The following CAMTA1 variants were observed in gnomAD, a reference collection of about 807,000 sequenced individuals.
CAMTA1 encodes the protein calmodulin binding transcription activator 1, also known as calmodulin-binding transcription activator 1.
In CAMTA1, 27 loss-of-function variants were observed where a neutral mutation model predicts 170.9. The ratio of observed to expected loss-of-function variants is 0.16; its 90% CI spans 0.12 to 0.22. The LOEUF is 0.22. Among genes scored for constraint, CAMTA1 ranks in the 10% least tolerant of loss-of-function variants. The pLI, the probability that CAMTA1 is intolerant of heterozygous loss-of-function variation, is 1.00. For missense variants in CAMTA1, 1,619 were observed against 2,217.2 expected (o/e 0.73, Z 5.42); for synonymous variants, 833 against 891.5 (o/e 0.93, Z 1.17).
rs543036230 is a variant in CAMTA1 at position 7,295,401 on chromosome 1, T to C, written c.438+45775T>C. Among the ~76,000 whole-genome samples, 6 of 152,286 alleles carry C rather than the reference T, an allele frequency of 3.9e-5. 1 individual carries two copies. The highest frequency in any genetic ancestry group is 4.1e-4 in the South Asian group (2 of 4,822). On this transcript the variant is annotated intron_variant, in intron 5 of 22. Transcript: ENST00000303635. ...GCAGGCCTTTTCCTCTTCAACCAGA[T>C]TGTAACTCCCTGAGGGGAGGGCTTG...
In CAMTA1 at chr1:6,887,520, A is replaced by AAT. The variant is rs1673561496; in HGVS notation, c.234+62316_234+62317dup. ...CATCTGTATACGTATGTGTGTGTTTAATATATACTTTAGTTTGCCTTTACC... is the reference window on the plus strand; with the variant it reads ...CATCTGTATACGTATGTGTGTGTTTAATATATATACTTTAGTTTGCCTTTACC... On this transcript the variant is annotated intron_variant, in intron 3 of 22. Coordinates refer to ENST00000303635, the MANE Select transcript of CAMTA1 (RefSeq NM_015215.4). This position sits in a 1 kb window ranked among gnomAD's most constrained non-coding sequence, Gnocchi z 4.1. The AAT allele has an allele frequency of 1.5e-6, 2 of 1,332,786 alleles. No individual in the cohort carries two copies. Among genetic ancestry groups the AAT allele is most frequent in the Non-Finnish European group, 1.0e-6 (1 of 996,400 alleles). The allele number at this position is 1,332,786 out of a possible 1,614,324, so 82.6% of individuals were successfully genotyped here.
intron 4 of CAMTA1, among the ~76,000 whole-genome samples, chr1:7,139,678 C>T (rs1645781123): frequency 6.6e-6 from 1 of 152,144 alleles, no homozygotes. Flanking sequence ...TCCTTGGCGA[C>T]TAGGTAGTGT....
chr1:7,238,947 G>A (rs188725213), intron 4 of CAMTA1, among the ~76,000 whole-genome samples: 138 of 152,326 alleles, frequency 9.1e-4, no homozygotes, highest in African/African-American at 3.1e-3. Context: ...GGGTGCCGTG[G>A]GTGCCACAGC....
intron 3 of CAMTA1, among the ~76,000 whole-genome samples, chr1:6,943,180 TC>T (rs1686962412): frequency 6.6e-6 from 1 of 151,244 alleles, no homozygotes; most frequent in African/African-American, 2.4e-5. Flanking sequence ...CCTCCCCTCC[TC>T]CCCTCCGTCC....
chr1:6,943,614 C>T (rs1217331528), intron 3 of CAMTA1, among the ~76,000 whole-genome samples: 5 of 152,004 alleles, frequency 3.3e-5, no homozygotes, highest in South Asian at 4.2e-4. Context: ...TTTGGGAGGC[C>T]GAGGTGGGCG....
At chr1:6,907,809 C>A (rs1678866475) in intron 3 of CAMTA1, among the ~76,000 whole-genome samples, 2 of 152,096 alleles carry the variant, frequency 1.3e-5, no homozygotes, top group African/African-American at 4.8e-5. Context: ...TCCTGTCCAG[C>A]CCTTCTGCTC....
chr1:7,724,560 C>T (rs796298131), intron 11 of CAMTA1, among the ~76,000 whole-genome samples: 9 of 152,236 alleles, frequency 5.9e-5, no homozygotes, highest in African/African-American at 2.2e-4. Flanking sequence ...GGGCCGGGCG[C>T]GGTGGCTCAC....
chr1:7,215,740 A>G (rs140747085), intron 4 of CAMTA1, among the ~76,000 whole-genome samples: 26 of 152,200 alleles, frequency 1.7e-4, no homozygotes, highest in African/African-American at 6.0e-4. Flanking sequence ...TGGAATTTCT[A>G]TTGCTTTAAT....
intron 5 of CAMTA1, among the ~76,000 whole-genome samples, chr1:7,301,211 T>G (rs1282195141): frequency 1.3e-5 from 2 of 152,254 alleles, no homozygotes; most frequent in African/African-American, 4.8e-5. Context: ...ATTATGGGTC[T>G]GACTTTTTAA....
chr1:7,206,266 C>A (rs1167893241), intron 4 of CAMTA1, among the ~76,000 whole-genome samples: 1 of 152,192 alleles, frequency 6.6e-6, no homozygotes, highest in African/African-American at 2.4e-5. Flanking sequence ...GGAGAACTGG[C>A]ATTGTGATGA....
At chr1:7,218,364 A>G (rs1043966315) in intron 4 of CAMTA1, among the ~76,000 whole-genome samples, 2 of 152,108 alleles carry the variant, frequency 1.3e-5, no homozygotes, top group Non-Finnish European at 2.9e-5. Context: ...TCTTCTACAG[A>G]TGAAGACCAC....
chr1:7,002,248 A>T (rs1220300427), intron 3 of CAMTA1, among the ~76,000 whole-genome samples: 1 of 152,126 alleles, frequency 6.6e-6, no homozygotes, highest in East Asian at 1.9e-4. Flanking sequence ...ATCAGGAGTA[A>T]AAACCCCATG....
intron 3 of CAMTA1, among the ~76,000 whole-genome samples, chr1:6,848,758 T>C (rs1175674094): frequency 6.6e-6 from 1 of 152,170 alleles, no homozygotes; most frequent in Admixed American, 6.5e-5. Context: ...AGAGAAAAGG[T>C]AGATTTTAAT....
chr1:7,508,033 T>G (rs931868594), intron 6 of CAMTA1, among the ~76,000 whole-genome samples: 1 of 152,274 alleles, frequency 6.6e-6, no homozygotes, highest in African/African-American at 2.4e-5. Flanking sequence ...ATGGGGCACT[T>G]GGCTGTGTTC....
chr1:7,570,697 C>A lies in CAMTA1; in HGVS notation c.511-69703C>A, dbSNP rs2095114949. Among the ~76,000 whole-genome samples the A allele has an allele frequency of 6.6e-6, 1 of 152,254 alleles. No individual in the cohort carries two copies. The highest frequency in any genetic ancestry group is 6.5e-5 in the Admixed American group (1 of 15,292). On this transcript the variant is annotated intron_variant, in intron 6 of 22. Transcript: ENST00000303635. The surrounding 1 kb of genome is among the most constrained non-coding windows in gnomAD (Gnocchi z 4.3). ...AGGTCCTGTCAGCCTCCTGCTGTGT[C>A]AGCACAGACCCTGCCTGGGACCCCT...
chr1:7,696,783 C>A (rs976972540), intron 11 of CAMTA1, among the ~76,000 whole-genome samples: 6 of 152,120 alleles, frequency 3.9e-5, no homozygotes, highest in Non-Finnish European at 7.4e-5. Context: ...TTGGACCCTG[C>A]ACAGGGAGCC....
chr1:6,959,270 C>T (rs1016054040), intron 3 of CAMTA1, among the ~76,000 whole-genome samples: 8 of 152,198 alleles, frequency 5.3e-5, no homozygotes, highest in South Asian at 2.1e-4. Context: ...GTAGCTCAGA[C>T]GCTGTGAAGA....
At chr1:6,803,115 T>C (rs1174609938) in intron 1 of CAMTA1, among the ~76,000 whole-genome samples, 1 of 152,228 alleles carries the variant, frequency 6.6e-6, no homozygotes, top group African/African-American at 2.4e-5. Flanking sequence ...GTGCGGTCTT[T>C]GCCCTGTGGG....
intron 4 of CAMTA1, among the ~76,000 whole-genome samples, chr1:7,110,254 T>C (rs1202702817): frequency 1.3e-5 from 2 of 152,024 alleles, no homozygotes; most frequent in South Asian, 2.1e-4. Flanking sequence ...TCCCAACCCA[T>C]TAGAATTTTC....
Sources: gnomAD v4.1 joint callset for allele counts (sites outside exome capture counted in the v4.1 genomes callset) on GRCh38, gnomAD v4.1.1 for gene constraint, Gnocchi (gnomAD v3.1) non-coding constraint, MANE v1.5 for transcripts, NCBI Gene and HGNC (gene_info 2026-07-23, HGNC 2026-07-21) for gene names.